ASTN2: variants seen among roughly 807,000 people sequenced by gnomAD.
ASTN2 encodes astrotactin 2, also known as astrotactin-2.
In ASTN2, 54 loss-of-function variants were observed where a neutral mutation model predicts 139.8. The ratio of observed to expected loss-of-function variants is 0.39; its 90% CI spans 0.31 to 0.48. ASTN2 has a LOEUF of 0.48. Ranked by LOEUF, ASTN2 falls within the 20% of genes least tolerant of loss-of-function variation. ASTN2 has a pLI of 0.95. For synonymous variants in ASTN2, 756 were observed against 719.5 expected (o/e 1.05, Z -0.81); for missense variants, 1,565 against 1,725.1 (o/e 0.91, Z 1.64).
intron 16 of ASTN2, among the ~76,000 whole-genome samples, chr9:116,677,125 T>C (rs1489416773): frequency 6.6e-6 from 1 of 152,212 alleles, no homozygotes; most frequent in Non-Finnish European, 1.5e-5. Flanking sequence ...TAAAAGCCTT[T>C]ATGTTTTTCT....
intron 19 of ASTN2, among the ~76,000 whole-genome samples, chr9:116,574,389 A>C (rs1853640532): frequency 6.6e-6 from 1 of 152,184 alleles, no homozygotes; most frequent in East Asian, 1.9e-4. Context: ...AGTATACTCA[A>C]AGGCCAGTGC....
At chr9:116,948,330 G>A (rs1391296565) in intron 10 of ASTN2, among the ~76,000 whole-genome samples, 4 of 152,036 alleles carry the variant, frequency 2.6e-5, no homozygotes, top group Non-Finnish European at 4.4e-5. Context: ...ATCAAATGGT[G>A]GTTTCTTGTT....
In ASTN2 at chr9:117,341,066, T is replaced by C. The variant is rs997510397; in HGVS notation, c.443-49553A>G. 5.3e-5 allele frequency among the ~76,000 whole-genome samples: 8 copies of C among 152,198 alleles called. No homozygotes were observed. The East Asian group carries it at 1.5e-3, about 29-fold the overall frequency. ...ATTACAAGGTCAAAGTGAAGAGATATACAGGATTGAATTATCTCTTACAAC... is the reference window on the plus strand; with the variant it reads ...ATTACAAGGTCAAAGTGAAGAGATACACAGGATTGAATTATCTCTTACAAC... On this transcript the variant is annotated intron_variant, in intron 1 of 22. Transcript: ENST00000313400.
At chr9:116,718,749 T>C (rs1056561931) in intron 16 of ASTN2, among the ~76,000 whole-genome samples, 10 of 151,902 alleles carry the variant, frequency 6.6e-5, no homozygotes, top group East Asian at 5.8e-4. Context: ...TCTTCTTTTG[T>C]TGGATCTCAA....
intron 1 of ASTN2, among the ~76,000 whole-genome samples, chr9:117,402,263 C>T (rs1036223345): frequency 5.3e-5 from 8 of 152,132 alleles, no homozygotes; most frequent in African/African-American, 1.4e-4. Context: ...GATGGGGTTT[C>T]ACCATGTTGG....
chr9:116,855,142 A>G (rs931889743), intron 11 of ASTN2, among the ~76,000 whole-genome samples: 12 of 152,224 alleles, frequency 7.9e-5, no homozygotes, highest in Admixed American at 6.5e-4. Context: ...GGAAAAATAG[A>G]GAAGGCTTCA....
intron 1 of ASTN2, among the ~76,000 whole-genome samples, chr9:117,316,613 G>A (rs911683575): frequency 3.9e-5 from 6 of 152,100 alleles, no homozygotes; most frequent in Non-Finnish European, 5.9e-5. Flanking sequence ...CAATCTGCTG[G>A]TATGCACTCT....
chr9:116,487,525 G>C, intron 19 of ASTN2, 25 bp from the exon 20 acceptor site: 1 of 1,609,818 alleles, frequency 6.2e-7, no homozygotes, highest in Non-Finnish European at 8.5e-7. Context: ...AGAAAGATGA[G>C]CTCCCCAGCT....
chr9:116,797,926 T>C (rs1295462890), intron 13 of ASTN2, among the ~76,000 whole-genome samples: 1 of 152,172 alleles, frequency 6.6e-6, no homozygotes, highest in African/African-American at 2.4e-5. Context: ...AGTGATACAA[T>C]TTTAGGCAAT....
At chr9:116,449,224 G>C (rs1471504467) in intron 20 of ASTN2, among the ~76,000 whole-genome samples, 2 of 152,072 alleles carry the variant, frequency 1.3e-5, no homozygotes, top group Admixed American at 1.3e-4. Context: ...TGGGCAACAT[G>C]GTGAAACCCC....
intron 4 of ASTN2, among the ~76,000 whole-genome samples, chr9:117,128,371 C>CAAAAAAAAAAAAAAAAAAA (rs1167187783): frequency 6.2e-4 from 41 of 66,444 alleles, no homozygotes; most frequent in African/African-American, 2.4e-3. Flanking sequence ...GACACTGTCT[C>CAAAAAAAAAAAAAAAAAAA]AAAAAAAAAA....
chr9:117,301,607 T>G (rs1834877014), intron 1 of ASTN2, among the ~76,000 whole-genome samples: 1 of 152,136 alleles, frequency 6.6e-6, no homozygotes, highest in South Asian at 2.1e-4. Flanking sequence ...AGCTTGCATA[T>G]TTGAGTAAAG....
chr9:116,731,724 C>T lies in ASTN2; in HGVS notation c.2521+1675G>A, dbSNP rs144350046. Among the ~76,000 whole-genome samples the T allele has an allele frequency of 6.2e-3, 941 of 152,256 alleles. 61 individuals are homozygous for T. In the South Asian group the frequency reaches 0.16, roughly 26 times the overall value. On this transcript the variant is annotated intron_variant, in intron 14 of 22. Transcript: ENST00000313400. Reference sequence around the variant, plus strand: ...CAGGCATGAGCCACTGCGCCCGGCCCATACCCTATATTTTAGAGGAAGAAA... The same window carrying T: ...CAGGCATGAGCCACTGCGCCCGGCCTATACCCTATATTTTAGAGGAAGAAA...
intron 19 of ASTN2, among the ~76,000 whole-genome samples, chr9:116,554,106 C>A (rs1290872886): frequency 2.6e-5 from 4 of 152,126 alleles, no homozygotes; most frequent in African/African-American, 9.7e-5. Flanking sequence ...ATAGTAGTTA[C>A]ATTAGTTCAC....
At chr9:117,030,235 C>T (rs1313449553) in intron 6 of ASTN2, among the ~76,000 whole-genome samples, 1 of 152,180 alleles carries the variant, frequency 6.6e-6, no homozygotes, top group Non-Finnish European at 1.5e-5. Flanking sequence ...ACAACTAACT[C>T]TATAGACTTG....
intron 10 of ASTN2, among the ~76,000 whole-genome samples, chr9:116,968,338 T>G (rs1263788723): frequency 6.6e-6 from 1 of 152,142 alleles, no homozygotes; most frequent in African/African-American, 2.4e-5. Context: ...TGTATCTGAC[T>G]AGGGGTACTG....
intron 20 of ASTN2, among the ~76,000 whole-genome samples, chr9:116,470,402 A>G (rs866593941): frequency 2.6e-5 from 4 of 152,144 alleles, no homozygotes; most frequent in Admixed American, 6.5e-5. Flanking sequence ...CTAGGAAGTT[A>G]GACTCTAGAG....
chr9:117,048,253 C>A (rs1313020651), intron 5 of ASTN2, among the ~76,000 whole-genome samples: 1 of 152,158 alleles, frequency 6.6e-6, no homozygotes, highest in Non-Finnish European at 1.5e-5. Context: ...GCCTCATTGT[C>A]CCACCTGATA....
intron 13 of ASTN2, among the ~76,000 whole-genome samples, chr9:116,759,310 A>G (rs1829615915): frequency 6.6e-6 from 1 of 152,212 alleles, no homozygotes; most frequent in Admixed American, 6.5e-5. Context: ...CTTTAGCCCT[A>G]TAGAGTAAAA....
Sources: gnomAD v4.1 joint callset for allele counts (sites outside exome capture counted in the v4.1 genomes callset) on GRCh38, gnomAD v4.1.1 for gene constraint, MANE v1.5 for transcripts, NCBI Gene and HGNC (gene_info 2026-07-23, HGNC 2026-07-21) for gene names.